The following TRERF1 variants were observed in gnomAD, a reference collection of about 807,000 sequenced individuals.
The protein encoded by TRERF1 is transcriptional-regulating factor 1.
A neutral mutation model predicts 122.9 loss-of-function variants in TRERF1; 27 were observed. That is an observed-to-expected ratio of 0.22 (90% confidence interval 0.16 to 0.30). The LOEUF (loss-of-function observed/expected upper bound fraction) is 0.30, where lower values mean the gene tolerates loss of function less well. Among genes scored for constraint, TRERF1 ranks in the 10% least tolerant of loss-of-function variants. TRERF1 has a pLI of 1.00. For missense variants in TRERF1, 1,248 were observed against 1,560.3 expected (o/e 0.80, Z 3.37); for synonymous variants, 636 against 641.7 (o/e 0.99, Z 0.13).
chr6:42,235,632 T>A (rs1771974877), intron 16 of TRERF1, among the ~76,000 whole-genome samples: 1 of 152,204 alleles, frequency 6.6e-6, no homozygotes, highest in African/African-American at 2.4e-5. Flanking sequence ...TTTTAGTAAA[T>A]CTTTTTTTTC....
intron 3 of TRERF1, among the ~76,000 whole-genome samples, chr6:42,328,440 A>G (rs1474678842): frequency 6.6e-6 from 1 of 152,148 alleles, no homozygotes; most frequent in African/African-American, 2.4e-5. Context: ...TTATTTTATC[A>G]TCCAGGCACT....
chr6:42,409,394 T>C (rs1562155812), intron 2 of TRERF1, among the ~76,000 whole-genome samples: 2 of 152,218 alleles, frequency 1.3e-5, no homozygotes, highest in Admixed American at 6.5e-5. Context: ...TTGCCTGCCT[T>C]GTTTGCTTAG....
intron 13 of TRERF1, among the ~76,000 whole-genome samples, chr6:42,248,414 G>A (rs1360654157): frequency 1.3e-5 from 2 of 151,754 alleles, no homozygotes; most frequent in African/African-American, 2.4e-5. Context: ...GTGCAGTGGC[G>A]AGATCTCGGC....
chr6:42,253,829 C>T (rs983061268), intron 13 of TRERF1, among the ~76,000 whole-genome samples: 7 of 152,186 alleles, frequency 4.6e-5, no homozygotes, highest in Admixed American at 4.6e-4. Context: ...GCTGCCCGGA[C>T]TAAAGATTGG....
intron 2 of TRERF1, among the ~76,000 whole-genome samples, chr6:42,402,620 C>T (rs900729911): frequency 2.6e-5 from 4 of 152,028 alleles, no homozygotes; most frequent in African/African-American, 7.3e-5. Flanking sequence ...TGGTTATTAC[C>T]AAATGTCTAC....
chr6:42,387,331 G>A (rs1390179116), intron 2 of TRERF1, among the ~76,000 whole-genome samples: 1 of 152,182 alleles, frequency 6.6e-6, no homozygotes, highest in African/African-American at 2.4e-5. Flanking sequence ...TCTTACTAGC[G>A]AAGTCCAAGC....
chr6:42,418,254 C>CTTTTT (rs1782187647), intron 2 of TRERF1, among the ~76,000 whole-genome samples: 1 of 8,396 alleles, frequency 1.2e-4, no homozygotes, highest in Non-Finnish European at 2.9e-4. Context: ...GAGTTTTGCT[C>CTTTTT]TTTCTTTCTT....
In TRERF1 at chr6:42,264,936, A is replaced by G. The variant is rs184797421; in HGVS notation, c.1485-82T>C. On this transcript the variant is annotated intron_variant, in intron 6 of 17. Transcript: ENST00000372922. The stretch of plus-strand genomic sequence containing the variant: ...TGACTTGCCACAAGACCTCATACCC[A>G]CCACAAACCCATTTCATTCATCCAA... The G allele has an allele frequency of 6.9e-6, 10 of 1,454,444 alleles. No individual in the cohort carries two copies. The East Asian group carries it at 2.1e-4, about 30-fold the overall frequency. 90.1% of individuals were successfully genotyped at this position (1,454,444 alleles called of 1,614,324 possible).
At chr6:42,371,313 A>G (rs1330596784) in intron 2 of TRERF1, among the ~76,000 whole-genome samples, 1 of 152,242 alleles carries the variant, frequency 6.6e-6, no homozygotes, top group Admixed American at 6.5e-5. Context: ...AGAAGGGCCT[A>G]AACAAAGAAC....
intron 3 of TRERF1, among the ~76,000 whole-genome samples, chr6:42,308,960 GA>G (rs11335283): frequency 0.77 from 116,115 of 151,286 alleles, 44,877 homozygotes; most frequent in East Asian, 0.9. Context: ...TTTTTTACGT[GA>G]AAAAAAAAAT....
intron 5 of TRERF1, among the ~76,000 whole-genome samples, chr6:42,266,297 T>C (rs1167602371): frequency 2.0e-5 from 3 of 149,992 alleles, no homozygotes; most frequent in Non-Finnish European, 4.4e-5. Flanking sequence ...TAAGCAATCC[T>C]CCTGCCTCAG....
At chr6:42,372,516 C>T (rs1348801805) in intron 2 of TRERF1, among the ~76,000 whole-genome samples, 1 of 152,138 alleles carries the variant, frequency 6.6e-6, no homozygotes, top group African/African-American at 2.4e-5. Flanking sequence ...CAGTCAGTTC[C>T]CTTCCCCCTA....
chr6:42,391,405 G>A (rs922903850), intron 2 of TRERF1, among the ~76,000 whole-genome samples: 3 of 152,170 alleles, frequency 2.0e-5, no homozygotes, highest in Non-Finnish European at 4.4e-5. Flanking sequence ...AGGTCCCTAA[G>A]CTAGACTGTT....
intron 14 of TRERF1, among the ~76,000 whole-genome samples, chr6:42,243,582 A>AT (rs879346237): frequency 1.9e-3 from 269 of 142,346 alleles, no homozygotes; most frequent in Admixed American, 3.0e-3. Flanking sequence ...ACCATTCCAG[A>AT]TTTTTTTTTT....
intron 3 of TRERF1, among the ~76,000 whole-genome samples, chr6:42,354,808 T>C (rs1384956735): frequency 6.6e-6 from 1 of 152,202 alleles, no homozygotes; most frequent in Non-Finnish European, 1.5e-5. Flanking sequence ...CCAATAGATC[T>C]AACTCCCTTT....
intron 2 of TRERF1, among the ~76,000 whole-genome samples, chr6:42,385,344 C>T (rs1776615546): frequency 6.6e-6 from 1 of 152,160 alleles, no homozygotes; most frequent in South Asian, 2.1e-4. Flanking sequence ...AGCTCACCAG[C>T]TTCTCTTCTT....
rs770990347 is a variant in TRERF1, at chr6:42,413,844, T to G, written c.-454+37333A>C. On this transcript the variant is annotated intron_variant, in intron 2 of 17. Coordinates refer to ENST00000372922, the Ensembl canonical transcript of TRERF1. Reference sequence around the variant, plus strand: ...ATTTACATAAGAAAAAAATGAAAGATAAAAGAAAAATTAAAAGTGAAAATA... The same window carrying G: ...ATTTACATAAGAAAAAAATGAAAGAGAAAAGAAAAATTAAAAGTGAAAATA... Among the ~76,000 whole-genome samples the G allele has an allele frequency of 3.6e-4, 55 of 152,022 alleles. 1 individual carries two copies. The highest frequency in any genetic ancestry group is 2.4e-3 in the Admixed American group (37 of 15,248).
chr6:42,234,380 C>T (rs955933309), intron 16 of TRERF1, among the ~76,000 whole-genome samples: 12 of 151,704 alleles, frequency 7.9e-5, no homozygotes, highest in African/African-American at 2.7e-4. Flanking sequence ...ACTCTGTCAC[C>T]AGGCTGGAGT....
rs140758146 is a variant in TRERF1, at chr6:42,298,801, G to A, written c.-259+1837C>T. Among the ~76,000 whole-genome samples the A allele has an allele frequency of 6.1e-3, 928 of 152,118 alleles. 4 individuals carry two copies. Among genetic ancestry groups the A allele is most frequent in the Admixed American group, 0.013 (206 of 15,288 alleles). On this transcript the variant is annotated intron_variant, in intron 4 of 17. Transcript: ENST00000372922. ...CTAAAAATACAAAAATTAGCCAGGC[G>A]TGGTAGCAGACGCCTGTAGTCCCAG...
Sources: allele counts gnomAD v4.1 joint callset (sites outside exome capture counted in the v4.1 genomes callset), GRCh38; gene constraint gnomAD v4.1.1; transcripts MANE v1.5; gene names NCBI Gene and HGNC (gene_info 2026-07-23, HGNC 2026-07-21).